The following LRRC9 variants were observed in gnomAD, a reference collection of about 807,000 sequenced individuals.
LRRC9 encodes the protein leucine rich repeat containing 9, also known as leucine-rich repeat-containing protein 9.
A neutral mutation model predicts 63.2 loss-of-function variants in LRRC9; 122 were observed. The observed-to-expected ratio is 1.93, with a 90% CI of 1.67 to 2.24. The LOEUF is 2.24. Among genes scored for constraint, LRRC9 ranks in the 30% most tolerant of loss-of-function variants. LRRC9 has a pLI of 0.00. For missense variants in LRRC9, 1,071 were observed against 627.7 expected, an observed-to-expected ratio of 1.71 and a Z score of -7.55; for synonymous variants, 366 against 213.1, an observed-to-expected ratio of 1.72 and a Z score of -6.25.
In LRRC9 at chr14:59,936,478, T is replaced by TC; in HGVS notation, c.544-1912_544-1911insC. On this transcript the variant is annotated intron_variant, in intron 6 of 31. Transcript: ENST00000445360. The surrounding 1 kb of genome is among the most constrained non-coding windows in gnomAD (Gnocchi z 4.2). Reference sequence around the variant, plus strand: ...ACCATACCAGGCACCAGAGCACTAATTTTCAGTGAGATTTTGTGCCTTTGT... The same window carrying TC: ...ACCATACCAGGCACCAGAGCACTAATCTTTCAGTGAGATTTTGTGCCTTTGT... Among the ~76,000 whole-genome samples the TC allele has an allele frequency of 6.6e-6, 1 of 152,140 alleles. No homozygotes were observed. The highest frequency in any genetic ancestry group is 1.5e-5 in the Non-Finnish European group (1 of 68,030).
intron 29 of LRRC9, among the ~76,000 whole-genome samples, chr14:60,039,382 C>T (rs1892736862): frequency 6.6e-6 from 1 of 152,094 alleles, no homozygotes; most frequent in African/African-American, 2.4e-5. Flanking sequence ...GGCTGCGAAT[C>T]CTTCTGGTCT....
intron 24 of LRRC9, 150 bp from the exon 25 acceptor site, chr14:60,018,221 C>T (rs563962117): frequency 1.7e-6 from 1 of 572,974 alleles, no homozygotes; most frequent in African/African-American, 1.9e-5. Context: ...ATCATTTAAC[C>T]AATTCATTTT....
chr14:59,920,750 G>T (rs929736214), intron 1 of LRRC9, among the ~76,000 whole-genome samples: 2 of 152,158 alleles, frequency 1.3e-5, no homozygotes, highest in South Asian at 2.1e-4. Flanking sequence ...CAACTCTCAC[G>T]GCAGACAGAA....
At chr14:60,013,017 G>A (rs1380644508) in intron 23 of LRRC9, among the ~76,000 whole-genome samples, 6 of 150,596 alleles carry the variant, frequency 4.0e-5, no homozygotes, top group Non-Finnish European at 7.4e-5. Context: ...GTGCAGGTTC[G>A]TTACATATGT....
At chr14:59,937,195 TAA>T (rs755193026) in intron 6 of LRRC9, among the ~76,000 whole-genome samples, 71 of 89,472 alleles carry the variant, frequency 7.9e-4, no homozygotes, top group South Asian at 5.8e-3. Flanking sequence ...ATGTTTTCTG[TAA>T]AAAAAAAAAA....
chr14:60,037,154 C>A (rs181227187), intron 29 of LRRC9, among the ~76,000 whole-genome samples: 1 of 152,128 alleles, frequency 6.6e-6, no homozygotes, highest in Non-Finnish European at 1.5e-5. Flanking sequence ...TTTTCTTAAT[C>A]CAGTCTATCA....
chr14:59,946,765 T>C (rs1835873684), intron 8 of LRRC9, among the ~76,000 whole-genome samples: 1 of 148,784 alleles, frequency 6.7e-6, no homozygotes. Flanking sequence ...TGTTTGGTTT[T>C]TTCTTCTTGC....
intron 31 of LRRC9, among the ~76,000 whole-genome samples, chr14:60,059,364 T>C (rs1894503400): frequency 6.6e-6 from 1 of 152,210 alleles, no homozygotes. Flanking sequence ...TTAATAACCC[T>C]ACAATGACTT....
In LRRC9 at chr14:59,936,736, A is replaced by C. The variant is rs1179064931; in HGVS notation, c.544-1654A>C. Among the ~76,000 whole-genome samples, 1 of 152,186 alleles carries C rather than the reference A, an allele frequency of 6.6e-6. No individual in the cohort carries two copies. The highest frequency in any genetic ancestry group is 1.9e-4 in the East Asian group (1 of 5,200). Reference sequence around the variant, plus strand: ...CTCTGCTTAGTCCTCCTCCCTGCATAGGCTCAGCCCAAGCCTCAGGTCAGA... The same window carrying C: ...CTCTGCTTAGTCCTCCTCCCTGCATCGGCTCAGCCCAAGCCTCAGGTCAGA... On this transcript the variant is annotated intron_variant, in intron 6 of 31. Transcript: ENST00000445360. The surrounding 1 kb of genome is among the most constrained non-coding windows in gnomAD (Gnocchi z 4.2).
In LRRC9 at chr14:60,053,941, C is replaced by T. The variant is rs1894086246; in HGVS notation, c.4131+736C>T. ...AGGCTGGAGGGAGAAGGGAAACCAG[C>T]TCAGAGGCTTTTAGAATAATCCAAG... On this transcript the variant is annotated intron_variant, in intron 30 of 31. Transcript: ENST00000445360. The surrounding 1 kb of genome is among the most constrained non-coding windows in gnomAD (Gnocchi z 4.8). 1 of 455,388 alleles carries T rather than the reference C, an allele frequency of 2.2e-6. No individual in the cohort carries two copies. The highest frequency in any genetic ancestry group is 4.4e-6 in the Non-Finnish European group (1 of 226,632). The allele number at this position is 455,388 out of a possible 1,614,324, so 28.2% of individuals were successfully genotyped here.
intron 15 of LRRC9, among the ~76,000 whole-genome samples, chr14:59,979,538 G>A (rs1015325062): frequency 1.4e-5 from 2 of 145,892 alleles, no homozygotes; most frequent in Non-Finnish European, 3.1e-5. Flanking sequence ...CGTGAACCCG[G>A]GAGGCAGAGC....
chr14:59,964,771 C>T lies in LRRC9; in HGVS notation c.1212-1818C>T, dbSNP rs912367346. On this transcript the variant is annotated intron_variant, in intron 10 of 31. Coordinates refer to ENST00000445360, the Ensembl canonical transcript of LRRC9. This position sits in a 1 kb window ranked among gnomAD's most constrained non-coding sequence, Gnocchi z 4.4. Reference sequence around the variant, plus strand: ...GTGGCTGTTTTGTAGGTACTCTAAACTGGTTAGCAGGCATCATGCTTGATT... The same window carrying T: ...GTGGCTGTTTTGTAGGTACTCTAAATTGGTTAGCAGGCATCATGCTTGATT... Among the ~76,000 whole-genome samples, 2 of 152,180 alleles carry T rather than the reference C, an allele frequency of 1.3e-5. No homozygotes were observed. The highest frequency in any genetic ancestry group is 6.5e-5 in the Admixed American group (1 of 15,278).
chr14:60,047,939 C>T (rs1374764841), intron 29 of LRRC9, among the ~76,000 whole-genome samples: 1 of 152,198 alleles, frequency 6.6e-6, no homozygotes, highest in African/African-American at 2.4e-5. Context: ...TCATAACAAA[C>T]AGTCTCTCAA....
In LRRC9 at chr14:59,966,259, T is replaced by C. The variant is rs1414545666; in HGVS notation, c.1212-330T>C. ...AAGCAAGAGGAAGGCCAAAGGCTGA[T>C]CCCTGGGCAGTTCAACATCTAAAAG... On this transcript the variant is annotated intron_variant, in intron 10 of 31. Transcript: ENST00000445360. This position sits in a 1 kb window ranked among gnomAD's most constrained non-coding sequence, Gnocchi z 4.0. Among the ~76,000 whole-genome samples, 2 of 152,182 alleles carry C rather than the reference T, an allele frequency of 1.3e-5. No individual in the cohort carries two copies. The highest frequency in any genetic ancestry group is 2.9e-5 in the Non-Finnish European group (2 of 68,032).
rs550268287 is a variant in LRRC9, at chr14:59,938,956, T to C, written c.726+384T>C. On this transcript the variant is annotated intron_variant, in intron 7 of 31. Transcript: ENST00000445360. This position sits in a 1 kb window ranked among gnomAD's most constrained non-coding sequence, Gnocchi z 4.2. ...ACATATATACATATACATACATATA[T>C]ACACACATATATACATATATACATA... is the stretch of plus-strand genomic sequence containing the variant. 0.27 allele frequency among the ~76,000 whole-genome samples: 38,432 copies of C among 143,830 alleles called. 5,188 individuals are homozygous for C. The highest frequency in any genetic ancestry group is 0.32 in the African/African-American group (12,237 of 38,720). 94.4% of individuals were successfully genotyped at this position (143,830 alleles called of 152,430 possible).
intron 10 of LRRC9, among the ~76,000 whole-genome samples, chr14:59,963,462 T>C (rs1468237837): frequency 6.6e-6 from 1 of 151,990 alleles, no homozygotes; most frequent in Admixed American, 6.6e-5. Flanking sequence ...ATGCTGTCCT[T>C]GTGCCTGAGA....
At chr14:60,038,164 T>C (rs1411334439) in intron 29 of LRRC9, among the ~76,000 whole-genome samples, 2 of 152,340 alleles carry the variant, frequency 1.3e-5, no homozygotes, top group African/African-American at 4.8e-5. Flanking sequence ...TTTTGGTTAC[T>C]GTAGCCTTGT....
At chr14:59,970,271 C>T (rs996277640) in intron 12 of LRRC9, among the ~76,000 whole-genome samples, 1 of 152,002 alleles carries the variant, frequency 6.6e-6, no homozygotes, top group South Asian at 2.1e-4. Context: ...CAACTCCATC[C>T]ATGTTCCTGG....
intron 8 of LRRC9, among the ~76,000 whole-genome samples, chr14:59,957,120 C>T (rs537687969): frequency 1.4e-4 from 21 of 152,192 alleles, no homozygotes; most frequent in South Asian, 2.1e-4. Context: ...CTGCTCTTCT[C>T]GAGGAGTATC....
Sources: allele counts gnomAD v4.1 joint callset (sites outside exome capture counted in the v4.1 genomes callset), GRCh38; gene constraint gnomAD v4.1.1; non-coding constraint Gnocchi (gnomAD v3.1); transcripts MANE v1.5; gene names NCBI Gene and HGNC (gene_info 2026-07-23, HGNC 2026-07-21).